The following CTNNA2 variants were observed in gnomAD, a reference collection of about 807,000 sequenced individuals.
CTNNA2 encodes catenin alpha-2.
In CTNNA2, 42 loss-of-function variants were observed where a neutral mutation model predicts 101.0. That is an observed-to-expected ratio of 0.42 (90% CI 0.32 to 0.54). The LOEUF (loss-of-function observed/expected upper bound fraction) is 0.54. Ranked by LOEUF, CTNNA2 falls within the 20% of genes least tolerant of loss-of-function variation. The probability of loss-of-function intolerance (pLI) is 0.14; values close to 1 mark genes in which losing one functional copy is unlikely to be tolerated. For synonymous variants in CTNNA2, 450 were observed against 456.4 expected (o/e 0.99, Z 0.18); for missense variants, 871 against 1,223.1 (o/e 0.71, Z 4.29).
At position 80,195,710 on chromosome 2, in the gene CTNNA2, A is replaced by G. The variant is rs78120044; in HGVS notation, c.1057-197501A>G. Among the ~76,000 whole-genome samples the G allele has an allele frequency of 6.0e-3, 913 of 152,184 alleles. 8 individuals are homozygous for G. The highest frequency in any genetic ancestry group is 0.01 in the Admixed American group (156 of 15,276). ...TTCTTGCTTTTGAAAACAAACAAGT[A>G]GAAAACCTATGTGTTTTTGCTTCCT... On this transcript the variant is annotated intron_variant, in intron 7 of 18. Transcript: ENST00000402739.
intron 7 of CTNNA2, among the ~76,000 whole-genome samples, chr2:80,249,914 T>G (rs539572456): frequency 6.6e-6 from 1 of 152,334 alleles, no homozygotes; most frequent in South Asian, 2.1e-4. Flanking sequence ...TTTTTTATAT[T>G]TTCTTAATGT....
chr2:80,635,858 T>C (rs1672821777), intron 18 of CTNNA2, among the ~76,000 whole-genome samples: 1 of 152,094 alleles, frequency 6.6e-6, no homozygotes, highest in Non-Finnish European at 1.5e-5. Flanking sequence ...CTGTTAAGGA[T>C]ACCAATGAAG....
intron 3 of CTNNA2, among the ~76,000 whole-genome samples, chr2:79,787,940 C>A (rs1674976157): frequency 6.6e-6 from 1 of 152,026 alleles, no homozygotes; most frequent in Non-Finnish European, 1.5e-5. Context: ...GGGATGAGGA[C>A]ATGGACATTT....
chr2:80,509,364 T>C (rs1383445072), intron 9 of CTNNA2, among the ~76,000 whole-genome samples: 7 of 152,088 alleles, frequency 4.6e-5, no homozygotes, highest in Non-Finnish European at 1.0e-4. Context: ...CCCTAATCCC[T>C]CATTATCCCT....
At chr2:80,084,624 G>T (rs2148810418) in intron 7 of CTNNA2, among the ~76,000 whole-genome samples, 1 of 152,174 alleles carries the variant, frequency 6.6e-6, no homozygotes, top group South Asian at 2.1e-4. Context: ...AATTTCTGGA[G>T]AAATCATGCT....
intron 1 of CTNNA2, among the ~76,000 whole-genome samples, chr2:79,605,998 A>G (rs892435363): frequency 3.3e-5 from 5 of 152,326 alleles, no homozygotes; most frequent in Non-Finnish European, 7.3e-5. Flanking sequence ...ATGCTGAAAG[A>G]AAAATCAATG....
At chr2:79,877,022 C>T (rs559517615) in intron 6 of CTNNA2, among the ~76,000 whole-genome samples, 1 of 151,242 alleles carries the variant, frequency 6.6e-6, no homozygotes, top group Admixed American at 6.6e-5. Flanking sequence ...TAACTTTAAA[C>T]TTCTATATTA....
chr2:79,631,754 G>C (rs1444803577), intron 1 of CTNNA2, among the ~76,000 whole-genome samples: 1 of 152,188 alleles, frequency 6.6e-6, no homozygotes, highest in Non-Finnish European at 1.5e-5. Flanking sequence ...AATCTGAAAA[G>C]CTGAAGTGCC....
chr2:80,399,189 G>A (rs921272337), intron 8 of CTNNA2, among the ~76,000 whole-genome samples: 1 of 151,686 alleles, frequency 6.6e-6, no homozygotes, highest in Non-Finnish European at 1.5e-5. Flanking sequence ...CTTGATGATG[G>A]GTAGTACAGT....
At position 79,952,156 on chromosome 2, in the gene CTNNA2, C is replaced by T. The variant is rs117569903; in HGVS notation, c.1056+42359C>T. On this transcript the variant is annotated intron_variant, in intron 7 of 18. Transcript: ENST00000402739. Reference sequence around the variant, plus strand: ...TAAATTTGTATTGTATTTGTGGTCTCTCCAGGCCACCTAACTTAGCACTCC... The same window carrying T: ...TAAATTTGTATTGTATTTGTGGTCTTTCCAGGCCACCTAACTTAGCACTCC... 2.0e-5 allele frequency among the ~76,000 whole-genome samples: 3 copies of T among 152,276 alleles called. No homozygotes were observed. The East Asian group carries it at 5.8e-4, about 29-fold the overall frequency.
At chr2:79,744,133 A>G (rs1671482519) in intron 2 of CTNNA2, among the ~76,000 whole-genome samples, 3 of 152,190 alleles carry the variant, frequency 2.0e-5, no homozygotes, top group Non-Finnish European at 4.4e-5. Flanking sequence ...ACTGGCAAGT[A>G]TGCTATTTCT....
intron 2 of CTNNA2, among the ~76,000 whole-genome samples, chr2:79,698,582 C>G (rs980184783): frequency 6.6e-6 from 1 of 152,046 alleles, no homozygotes; most frequent in Non-Finnish European, 1.5e-5. Context: ...GTTTGCCCCT[C>G]TTCAGGAGAA....
chr2:79,897,334 G>GAAA (rs5832417), intron 6 of CTNNA2, among the ~76,000 whole-genome samples: 1 of 146,122 alleles, frequency 6.8e-6, no homozygotes. Flanking sequence ...GCTTTACCGA[G>GAAA]AAAAAAAAAA....
chr2:80,498,282 C>G (rs1174024916), intron 9 of CTNNA2, among the ~76,000 whole-genome samples: 1 of 152,200 alleles, frequency 6.6e-6, no homozygotes, highest in Non-Finnish European at 1.5e-5. Flanking sequence ...GCCTACATGA[C>G]TTTCTAGATG....
chr2:79,998,598 A>T (rs543523702), intron 7 of CTNNA2, among the ~76,000 whole-genome samples: 1 of 152,316 alleles, frequency 6.6e-6, no homozygotes, highest in Admixed American at 6.5e-5. Flanking sequence ...ATTTGTGGCT[A>T]TGAAAGATAA....
At chr2:80,630,600 A>G (rs886220871) in intron 18 of CTNNA2, among the ~76,000 whole-genome samples, 12 of 152,154 alleles carry the variant, frequency 7.9e-5, no homozygotes, top group South Asian at 2.1e-4. Flanking sequence ...TTGCGCCGCT[A>G]CACTCCAGCC....
intron 4 of CTNNA2, among the ~76,000 whole-genome samples, chr2:79,496,905 C>T (rs1182905341): frequency 6.6e-6 from 1 of 152,064 alleles, no homozygotes; most frequent in East Asian, 1.9e-4. Flanking sequence ...TCAGAAAATG[C>T]TTTCTTTACT....
intron 4 of CTNNA2, among the ~76,000 whole-genome samples, chr2:79,457,352 G>T (rs1471994876): frequency 6.6e-6 from 1 of 152,012 alleles, no homozygotes; most frequent in Non-Finnish European, 1.5e-5. Context: ...CATTCATAAA[G>T]CATTTATTTT....
intron 3 of CTNNA2, among the ~76,000 whole-genome samples, chr2:79,800,092 A>G (rs1435808108): frequency 6.6e-6 from 1 of 152,226 alleles, no homozygotes; most frequent in Non-Finnish European, 1.5e-5. Flanking sequence ...TCACTATATC[A>G]GAATTTGCTA....
Sources: allele counts gnomAD v4.1 joint callset (sites outside exome capture counted in the v4.1 genomes callset), GRCh38; gene constraint gnomAD v4.1.1; transcripts MANE v1.5; gene names NCBI Gene and HGNC (gene_info 2026-07-23, HGNC 2026-07-21).